CEP128: variants seen among roughly 807,000 people sequenced by gnomAD.
The protein encoded by CEP128 is centrosomal protein 128kDa.
In CEP128, 132 loss-of-function variants were observed where a neutral mutation model predicts 156.7. The observed-to-expected ratio is 0.84, with a 90% CI of 0.73 to 0.97. CEP128 has a LOEUF of 0.97. CEP128 is among the 50% of genes least tolerant of loss of function. The probability of loss-of-function intolerance (pLI) is 0.00; values close to 1 mark genes in which losing one functional copy is unlikely to be tolerated. For missense variants in CEP128, 1,252 were observed against 1,281.9 expected, an observed-to-expected ratio of 0.98 and a Z score of 0.36; for synonymous variants, 469 against 448.9, an observed-to-expected ratio of 1.04 and a Z score of -0.57.
intron 14 of CEP128, among the ~76,000 whole-genome samples, chr14:80,792,283 T>C (rs947996188): frequency 1.3e-5 from 2 of 152,238 alleles, no homozygotes; most frequent in African/African-American, 4.8e-5. Context: ...CGCATTTAAG[T>C]AAGCCCATCA....
At chr14:80,653,607 G>A (rs1895006908) in intron 19 of CEP128, among the ~76,000 whole-genome samples, 1 of 152,086 alleles carries the variant, frequency 6.6e-6, no homozygotes, top group Non-Finnish European at 1.5e-5. Flanking sequence ...AGTTTTAAAG[G>A]ACAGGCTATC....
At chr14:80,739,198 G>A (rs1169874388) in intron 19 of CEP128, among the ~76,000 whole-genome samples, 1 of 152,058 alleles carries the variant, frequency 6.6e-6, no homozygotes, top group East Asian at 1.9e-4. Context: ...TCTAGACTAT[G>A]TATATGTTCA....
At chr14:80,905,145 C>T (rs932638168) in intron 5 of CEP128, among the ~76,000 whole-genome samples, 3 of 151,646 alleles carry the variant, frequency 2.0e-5, no homozygotes, top group South Asian at 4.2e-4. Context: ...ACAGAAATAA[C>T]CTGGAAATAG....
chr14:80,931,248 G>A (rs1454450599), intron 2 of CEP128, among the ~76,000 whole-genome samples: 3 of 152,166 alleles, frequency 2.0e-5, no homozygotes, highest in South Asian at 2.1e-4. Context: ...GTGCACAGAC[G>A]AAGCAGCTGC....
At chr14:80,590,802 G>A (rs10129853) in intron 19 of CEP128, among the ~76,000 whole-genome samples, 65,279 of 151,898 alleles carry the variant, frequency 0.43, 14,458 homozygotes, top group African/African-American at 0.54. Context: ...GACTAACAGC[G>A]GATCTCTTGG....
chr14:80,532,350 A>AC (rs1361870320), intron 21 of CEP128, among the ~76,000 whole-genome samples: 1 of 151,270 alleles, frequency 6.6e-6, no homozygotes, highest in East Asian at 1.9e-4. Flanking sequence ...ACACTACCAC[A>AC]CCCAGCTATA....
At chr14:80,866,129 G>A (rs1315080064) in intron 8 of CEP128, among the ~76,000 whole-genome samples, 1 of 152,024 alleles carries the variant, frequency 6.6e-6, no homozygotes, top group Non-Finnish European at 1.5e-5. Context: ...AGGAACTCAG[G>A]TTCCAGGTGC....
At chr14:80,711,155 A>G (rs912596975) in intron 19 of CEP128, among the ~76,000 whole-genome samples, 2 of 152,148 alleles carry the variant, frequency 1.3e-5, no homozygotes, top group African/African-American at 4.8e-5. Flanking sequence ...CTGAGGCAAT[A>G]TAACACAATG....
intron 7 of CEP128, 76 bp from the exon 8 acceptor site, chr14:80,895,866 G>A: frequency 1.5e-5 from 15 of 978,766 alleles, no homozygotes; most frequent in Non-Finnish European, 2.2e-5. Flanking sequence ...TGTATAACAT[G>A]ATAATTATGT....
chr14:80,812,888 T>A (rs1472410699), intron 13 of CEP128, among the ~76,000 whole-genome samples: 1 of 152,116 alleles, frequency 6.6e-6, no homozygotes, highest in Non-Finnish European at 1.5e-5. Context: ...GTTTGTTTTT[T>A]TAACTTTTCA....
chr14:80,547,012 T>C (rs1890013766), intron 21 of CEP128, among the ~76,000 whole-genome samples: 1 of 152,214 alleles, frequency 6.6e-6, no homozygotes, highest in Non-Finnish European at 1.5e-5. Flanking sequence ...GATCAAAGTT[T>C]AATAAAAGCT....
chr14:80,772,327 T>G (rs1385818759), intron 16 of CEP128, among the ~76,000 whole-genome samples: 2 of 152,028 alleles, frequency 1.3e-5, no homozygotes. Flanking sequence ...GAGAGGAGCA[T>G]CTGAACATCG....
intron 19 of CEP128, among the ~76,000 whole-genome samples, chr14:80,609,029 T>C (rs1445091635): frequency 2.6e-5 from 4 of 152,148 alleles, no homozygotes; most frequent in Non-Finnish European, 4.4e-5. Context: ...TTGAAGTATA[T>C]TACATTTTTT....
At chr14:80,724,422 C>G (rs1281086868) in intron 19 of CEP128, among the ~76,000 whole-genome samples, 1 of 151,942 alleles carries the variant, frequency 6.6e-6, no homozygotes, top group East Asian at 1.9e-4. Flanking sequence ...TAAGAACAGC[C>G]AATCTGGAAT....
chr14:80,917,716 C>T (rs1884641335), intron 2 of CEP128, among the ~76,000 whole-genome samples: 1 of 152,056 alleles, frequency 6.6e-6, no homozygotes, highest in Admixed American at 6.6e-5. Context: ...GATCTTTATT[C>T]TGAATGCATC....
At chr14:80,780,834 T>C (rs1901069236) in intron 15 of CEP128, among the ~76,000 whole-genome samples, 1 of 152,174 alleles carries the variant, frequency 6.6e-6, no homozygotes, top group Non-Finnish European at 1.5e-5. Context: ...CTAGACACCA[T>C]AAGAGGATAC....
intron 19 of CEP128, among the ~76,000 whole-genome samples, chr14:80,598,857 C>A (rs1335438171): frequency 6.6e-6 from 1 of 151,960 alleles, no homozygotes; most frequent in Non-Finnish European, 1.5e-5. Context: ...TAGTGACTGC[C>A]AGGGTTTAAG....
chr14:80,673,944 T>C (rs1005983754), intron 19 of CEP128, among the ~76,000 whole-genome samples: 49 of 152,186 alleles, frequency 3.2e-4, no homozygotes, highest in African/African-American at 9.9e-4. Flanking sequence ...GTACCTCTGA[T>C]TGGCAAATTT....
intron 19 of CEP128, among the ~76,000 whole-genome samples, chr14:80,615,547 A>G (rs1191566077): frequency 6.6e-6 from 1 of 152,230 alleles, no homozygotes; most frequent in African/African-American, 2.4e-5. Context: ...GGGCAGGGAA[A>G]AGGCTACAAG....
Sources: gnomAD v4.1 joint callset for allele counts (sites outside exome capture counted in the v4.1 genomes callset) on GRCh38, gnomAD v4.1.1 for gene constraint, MANE v1.5 for transcripts, NCBI Gene and HGNC (gene_info 2026-07-23, HGNC 2026-07-21) for gene names.